ADARB2: variants seen among roughly 807,000 people sequenced by gnomAD.
ADARB2 encodes adenosine deaminase RNA specific B2 (inactive).
In ADARB2, 25 loss-of-function variants were observed where a neutral mutation model predicts 62.2. The observed-to-expected ratio is 0.40, with a 90% CI of 0.29 to 0.56. The LOEUF is 0.56. ADARB2 is among the 20% of genes least tolerant of loss of function. ADARB2 has a pLI of 0.43. For missense variants in ADARB2, 1,071 were observed against 1,077.4 expected, an observed-to-expected ratio of 0.99 and a Z score of 0.08; for synonymous variants, 572 against 500.8, an observed-to-expected ratio of 1.14 and a Z score of -1.90.
intron 3 of ADARB2, among the ~76,000 whole-genome samples, chr10:1,302,967 G>A (rs1831589238): frequency 6.6e-6 from 1 of 152,202 alleles, no homozygotes; most frequent in Non-Finnish European, 1.5e-5. Flanking sequence ...AAAAATCAGA[G>A]CGCCTCTCCT....
intron 1 of ADARB2, among the ~76,000 whole-genome samples, chr10:1,582,358 C>T (rs1588311423): frequency 6.6e-6 from 1 of 152,262 alleles, no homozygotes; most frequent in Middle Eastern, 3.4e-3. Flanking sequence ...GGGGTCTGCC[C>T]AGCACTGACC....
At position 1,482,187 on chromosome 10, in the gene ADARB2, G is replaced by A. The variant is rs538468311; in HGVS notation, c.101-103027C>T. ...GCCACTTGGGAAGAACAGTATGGCG[G>A]TTCCTTGGGAAAAGTAAGCATGATT... On this transcript the variant is annotated intron_variant, in intron 1 of 9. Coordinates refer to ENST00000381312, the MANE Select transcript of ADARB2 (RefSeq NM_018702.4). 2.0e-5 allele frequency among the ~76,000 whole-genome samples: 3 copies of A among 152,326 alleles called. No individual in the cohort carries two copies. The South Asian group carries it at 6.2e-4, about 32-fold the overall frequency.
chr10:1,344,241 T>C (rs1433211172), intron 3 of ADARB2, among the ~76,000 whole-genome samples: 1 of 152,212 alleles, frequency 6.6e-6, no homozygotes, highest in Non-Finnish European at 1.5e-5. Flanking sequence ...CAGACCAAGC[T>C]ACAAGGCAGG....
intron 7 of ADARB2, among the ~76,000 whole-genome samples, chr10:1,215,483 C>T (rs1213795676): frequency 6.6e-6 from 1 of 152,254 alleles, no homozygotes; most frequent in Non-Finnish European, 1.5e-5. Flanking sequence ...CCTCCCCACT[C>T]AGCCTCCTTC....
At chr10:1,325,130 T>C (rs1404415637) in intron 3 of ADARB2, among the ~76,000 whole-genome samples, 1 of 152,208 alleles carries the variant, frequency 6.6e-6, no homozygotes, top group Non-Finnish European at 1.5e-5. Flanking sequence ...AGCTACAGTG[T>C]CTGCTCCACA....
intron 1 of ADARB2, among the ~76,000 whole-genome samples, chr10:1,407,434 A>AT (rs1832716846): frequency 6.6e-6 from 1 of 152,134 alleles, no homozygotes; most frequent in South Asian, 2.1e-4. Flanking sequence ...CGGTGGTCCC[A>AT]TTGGTGACCC....
intron 1 of ADARB2, among the ~76,000 whole-genome samples, chr10:1,679,396 C>A (rs1834507788): frequency 6.6e-6 from 1 of 152,112 alleles, no homozygotes; most frequent in Non-Finnish European, 1.5e-5. Flanking sequence ...TCTCATCAGA[C>A]ACATATCTTT....
chr10:1,690,498 A>G (rs1190764186), intron 1 of ADARB2, among the ~76,000 whole-genome samples: 7 of 152,176 alleles, frequency 4.6e-5, no homozygotes. Flanking sequence ...GTAATGATGC[A>G]GTGACAGGCA....
chr10:1,363,296 G>C lies in ADARB2; in HGVS notation c.809C>G (p.Thr270Ser). Residue 270 changes from threonine (T) to serine (S), a missense_variant, in exon 3 of 10, where the codon ACC becomes AGC. Physicochemically the swap from Thr to Ser is moderately conservative, Grantham distance 58 (BLOSUM62 1). Transcript: ENST00000381312. Reference sequence around the variant, plus strand: ...GTTGCGCTCGCCCGGGGCCGCGGGGGTGGCGGGGGTCGGGCCCACCAGGTC... The same window carrying C: ...GTTGCGCTCGCCCGGGGCCGCGGGGCTGGCGGGGGTCGGGCCCACCAGGTC... The part of the protein sequence containing the change: ...ALDLVGPTPA[T>S]PAAPGERNPV... The C allele has an allele frequency of 8.1e-7, 1 of 1,233,608 alleles. No homozygotes were observed. Among genetic ancestry groups the C allele is most frequent in the South Asian group, 3.4e-5 (1 of 29,358 alleles). 76.4% of individuals were successfully genotyped at this position (1,233,608 alleles called of 1,614,324 possible).
chr10:1,271,982 C>A (rs1158491700), intron 3 of ADARB2, among the ~76,000 whole-genome samples: 1 of 152,216 alleles, frequency 6.6e-6, no homozygotes, highest in Non-Finnish European at 1.5e-5. Flanking sequence ...TTCATTTCCA[C>A]CTTATGGTGT....
At chr10:1,391,766 ATTTTT>A (rs60956446) in intron 1 of ADARB2, among the ~76,000 whole-genome samples, 7 of 91,648 alleles carry the variant, frequency 7.6e-5, no homozygotes, top group Non-Finnish European at 6.0e-5. Flanking sequence ...TAAGAATTGG[ATTTTT>A]TTTTTTTTTT....
intron 3 of ADARB2, among the ~76,000 whole-genome samples, chr10:1,340,046 G>C (rs1027722882): frequency 1.3e-5 from 2 of 152,030 alleles, no homozygotes; most frequent in African/African-American, 2.4e-5. Context: ...CTAGAGCCAC[G>C]TGGGTCCGGA....
At chr10:1,230,856 C>G (rs1830797881) in intron 6 of ADARB2, among the ~76,000 whole-genome samples, 1 of 152,194 alleles carries the variant, frequency 6.6e-6, no homozygotes, top group Non-Finnish European at 1.5e-5. Flanking sequence ...CCTGGCATAT[C>G]TGCTGCAAAA....
chr10:1,374,743 A>G (rs1409212841), intron 2 of ADARB2, among the ~76,000 whole-genome samples: 3 of 152,232 alleles, frequency 2.0e-5, no homozygotes, highest in Admixed American at 6.5e-5. Context: ...TTGGGACCGC[A>G]TGCATCACTA....
chr10:1,337,173 T>A (rs897039667), intron 3 of ADARB2, among the ~76,000 whole-genome samples: 3 of 152,104 alleles, frequency 2.0e-5, no homozygotes, highest in African/African-American at 4.8e-5. Flanking sequence ...AGATAGTGCA[T>A]GTTTATAAGC....
At chr10:1,473,928 A>G (rs113470818) in intron 1 of ADARB2, among the ~76,000 whole-genome samples, 5 of 2,720 alleles carry the variant, frequency 1.8e-3, no homozygotes, top group Non-Finnish European at 6.9e-3. Flanking sequence ...CCGATTACGG[A>G]GGAGCCCTTG....
chr10:1,733,409 T>C (rs1422025444), intron 1 of ADARB2, among the ~76,000 whole-genome samples: 3 of 111,474 alleles, frequency 2.7e-5, no homozygotes, highest in Non-Finnish European at 6.4e-5. Flanking sequence ...ATAGCTTCTT[T>C]TAGAAAAAAA....
intron 1 of ADARB2, among the ~76,000 whole-genome samples, chr10:1,656,790 T>C (rs569309526): frequency 6.6e-6 from 1 of 152,274 alleles, no homozygotes; most frequent in Admixed American, 6.5e-5. Flanking sequence ...GCCTATTATA[T>C]ATGGGAAGGT....
At chr10:1,456,783 C>T (rs1374809960) in intron 1 of ADARB2, among the ~76,000 whole-genome samples, 1 of 152,062 alleles carries the variant, frequency 6.6e-6, no homozygotes. Flanking sequence ...TTCTGACTGC[C>T]CGAGAAAGAT....
Sources: gnomAD v4.1 joint callset for allele counts (sites outside exome capture counted in the v4.1 genomes callset) on GRCh38, gnomAD v4.1.1 for gene constraint, MANE v1.5 for transcripts, NCBI Gene and HGNC (gene_info 2026-07-23, HGNC 2026-07-21) for gene names.